The following MTUS2 variants were observed in gnomAD, a reference collection of about 807,000 sequenced individuals.
MTUS2 encodes the protein microtubule-associated tumor suppressor candidate 2.
A neutral mutation model predicts 114.1 loss-of-function variants in MTUS2; 40 were observed. The observed-to-expected ratio is 0.35, with a 90% CI of 0.27 to 0.46. The LOEUF (loss-of-function observed/expected upper bound fraction) is 0.46, where lower values mean the gene tolerates loss of function less well. MTUS2 is among the 20% of genes least tolerant of loss of function. The pLI is 1.00. For missense variants in MTUS2, 1,679 were observed against 1,705.4 expected, an observed-to-expected ratio of 0.98 and a Z score of 0.27; for synonymous variants, 688 against 672.0, an observed-to-expected ratio of 1.02 and a Z score of -0.37.
chr13:29,375,554 TATACG>T (rs1566163234), intron 8 of MTUS2, among the ~76,000 whole-genome samples: 2 of 4,966 alleles, frequency 4.0e-4, no homozygotes, highest in African/African-American at 8.0e-4. Context: ...TATATATATA[TATACG>T]TATATATATA....
At chr13:28,975,344 C>G (rs1021610494) in intron 2 of MTUS2, among the ~76,000 whole-genome samples, 2 of 152,252 alleles carry the variant, frequency 1.3e-5, no homozygotes, top group Non-Finnish European at 2.9e-5. Flanking sequence ...CACAGAAACG[C>G]GGCATGGTCA....
chr13:29,409,048 G>T (rs1279651136), intron 8 of MTUS2, among the ~76,000 whole-genome samples: 1 of 152,194 alleles, frequency 6.6e-6, no homozygotes, highest in African/African-American at 2.4e-5. Flanking sequence ...AGCTGGGCAT[G>T]GTGGCTCACA....
At chr13:29,223,000 G>T (rs372765422) in intron 5 of MTUS2, among the ~76,000 whole-genome samples, 1 of 152,166 alleles carries the variant, frequency 6.6e-6, no homozygotes, top group African/African-American at 2.4e-5. Flanking sequence ...GGGTGGCTCA[G>T]TGTGGGCCCA....
intron 2 of MTUS2, among the ~76,000 whole-genome samples, chr13:28,910,413 G>T (rs956201680): frequency 6.6e-6 from 1 of 152,000 alleles, no homozygotes; most frequent in Non-Finnish European, 1.5e-5. Context: ...GGGAAGATGT[G>T]TAGGATGTTC....
chr13:29,153,135 C>T (rs1892725924), intron 5 of MTUS2, among the ~76,000 whole-genome samples: 1 of 152,138 alleles, frequency 6.6e-6, no homozygotes, highest in Admixed American at 6.5e-5. Flanking sequence ...GTCTTGAATT[C>T]TGTCTGCAAG....
Position 28,823,822 on chromosome 13 carries a change from CAT to C in MTUS2, c.-316+3213_-316+3214del, listed in dbSNP as rs372196636. On this transcript the variant is annotated intron_variant, in intron 1 of 15. Transcript: ENST00000612955. ...GCATGGCTGGGGAGGCCTCAGGAAA[CAT>C]AGAATCACGGTGGAAGGGGAAGCAA... Among the ~76,000 whole-genome samples, 157 of 152,218 alleles carry C rather than the reference CAT, an allele frequency of 1.0e-3. 1 individual carries two copies. The highest frequency in any genetic ancestry group is 3.6e-3 in the African/African-American group (150 of 41,526).
chr13:29,411,844 A>G (rs1054996424), intron 8 of MTUS2, among the ~76,000 whole-genome samples: 1 of 152,126 alleles, frequency 6.6e-6, no homozygotes, highest in African/African-American at 2.4e-5. Context: ...CTGCTTTTCT[A>G]AATTGGACTT....
At chr13:29,245,395 A>G (rs1039298613) in intron 5 of MTUS2, among the ~76,000 whole-genome samples, 2 of 152,160 alleles carry the variant, frequency 1.3e-5, no homozygotes, top group Admixed American at 6.5e-5. Context: ...GGGGTAGGCA[A>G]GAAAGTGCAA....
intron 2 of MTUS2, among the ~76,000 whole-genome samples, chr13:28,841,965 G>A (rs930084492): frequency 3.3e-5 from 5 of 152,196 alleles, no homozygotes; most frequent in Admixed American, 2.0e-4. Context: ...GATTACAGGC[G>A]TGAGCCACCG....
intron 2 of MTUS2, among the ~76,000 whole-genome samples, chr13:28,895,556 T>A (rs1879215817): frequency 6.6e-6 from 1 of 152,160 alleles, no homozygotes; most frequent in Non-Finnish European, 1.5e-5. Context: ...CAGGCATAGT[T>A]CAAGCAGTGG....
At chr13:29,244,064 G>A (rs1477888636) in intron 5 of MTUS2, among the ~76,000 whole-genome samples, 1 of 152,208 alleles carries the variant, frequency 6.6e-6, no homozygotes, top group African/African-American at 2.4e-5. Flanking sequence ...AGTAGCACAT[G>A]CCTATTCAGT....
intron 7 of MTUS2, among the ~76,000 whole-genome samples, chr13:29,342,751 A>G (rs1203800781): frequency 1.3e-5 from 2 of 152,134 alleles, no homozygotes; most frequent in Non-Finnish European, 2.9e-5. Flanking sequence ...CTCAGAGGGA[A>G]TGCTTTCAGC....
At chr13:29,126,389 A>G (rs974590764) in intron 5 of MTUS2, among the ~76,000 whole-genome samples, 1 of 151,786 alleles carries the variant, frequency 6.6e-6, no homozygotes, top group South Asian at 2.1e-4. Context: ...CACAGTGGCT[A>G]CTCCAAACCT....
chr13:28,989,714 G>T, intron 2 of MTUS2, among the ~76,000 whole-genome samples: 1 of 152,162 alleles, frequency 6.6e-6, no homozygotes, highest in Admixed American at 6.5e-5. Context: ...CAGTATGAGG[G>T]GTGAGGATGG....
At chr13:29,340,728 G>C (rs2138116572) in intron 7 of MTUS2, among the ~76,000 whole-genome samples, 1 of 152,260 alleles carries the variant, frequency 6.6e-6, no homozygotes, top group Non-Finnish European at 1.5e-5. Flanking sequence ...GGTGATTTCT[G>C]AGGTCTTGGT....
intron 2 of MTUS2, among the ~76,000 whole-genome samples, chr13:28,964,567 T>C (rs1263567064): frequency 6.6e-6 from 1 of 151,598 alleles, no homozygotes; most frequent in Non-Finnish European, 1.5e-5. Flanking sequence ...CGCTGAATTA[T>C]GAAGGATGGT....
chr13:29,016,209 T>C (rs773864894), intron 2 of MTUS2, among the ~76,000 whole-genome samples: 6 of 152,186 alleles, frequency 3.9e-5, no homozygotes, highest in Non-Finnish European at 7.3e-5. Flanking sequence ...GGCCAATTCA[T>C]TTCTTTTATA....
At chr13:29,135,272 G>T (rs775585999) in intron 5 of MTUS2, among the ~76,000 whole-genome samples, 6 of 152,160 alleles carry the variant, frequency 3.9e-5, no homozygotes, top group Non-Finnish European at 7.3e-5. Context: ...AATAAGGGGG[G>T]ACTACTATAA....
intron 2 of MTUS2, among the ~76,000 whole-genome samples, chr13:29,008,431 ACTGGTTCATCTCTGGGC>A: frequency 6.6e-6 from 1 of 152,024 alleles, no homozygotes. Flanking sequence ...TCCAATCTGA[ACTGGTTCATCTCTGGGC>A]CTGGCCACCA....
Sources: allele counts gnomAD v4.1 joint callset (sites outside exome capture counted in the v4.1 genomes callset), GRCh38; gene constraint gnomAD v4.1.1; transcripts MANE v1.5; gene names NCBI Gene and HGNC (gene_info 2026-07-23, HGNC 2026-07-21).